UNC79: variants seen among roughly 807,000 people sequenced by gnomAD.
The protein encoded by UNC79 is unc-79 subunit of NALCN channel complex, also known as protein unc-79 homolog.
A neutral mutation model predicts 283.1 loss-of-function variants in UNC79; 37 were observed. The ratio of observed to expected loss-of-function variants is 0.13; its 90% CI spans 0.10 to 0.17. The LOEUF (loss-of-function observed/expected upper bound fraction) is 0.17. Ranked by LOEUF, UNC79 falls within the 10% of genes least tolerant of loss-of-function variation. The probability of loss-of-function intolerance (pLI) is 1.00; values close to 1 mark genes in which losing one functional copy is unlikely to be tolerated. For synonymous variants in UNC79, 1,107 were observed against 1,200.2 expected (o/e 0.92, Z 1.61); for missense variants, 2,272 against 3,211.1 (o/e 0.71, Z 7.07).
chr14:93,481,215 A>G lies in UNC79; in HGVS notation c.619+3487A>G, dbSNP rs148092416. ...ATAGCTTTTCTTTTTAACTCCTTCC[A>G]TAAATAAAATATATTTCTCTTTATT... On this transcript the variant is annotated intron_variant, in intron 4 of 48. Coordinates refer to ENST00000555664, the Ensembl canonical transcript of UNC79. Among the ~76,000 whole-genome samples, 61 of 152,300 alleles carry G rather than the reference A, an allele frequency of 4.0e-4. 2 individuals carry two copies. The East Asian group carries it at 0.01, about 25-fold the overall frequency.
At chr14:93,521,268 G>T (rs972730500) in intron 7 of UNC79, among the ~76,000 whole-genome samples, 1 of 151,970 alleles carries the variant, frequency 6.6e-6, no homozygotes, top group Non-Finnish European at 1.5e-5. Context: ...TCTAGGAATT[G>T]CTTAGCTCAC....
intron 35 of UNC79, among the ~76,000 whole-genome samples, chr14:93,653,347 T>A (rs1403008915): frequency 1.4e-5 from 2 of 143,970 alleles, no homozygotes; most frequent in African/African-American, 4.9e-5. Flanking sequence ...ATATGAATTT[T>A]TTTTTCCTCA....
At chr14:93,518,932 T>G (rs1271986595) in intron 7 of UNC79, among the ~76,000 whole-genome samples, 3 of 152,112 alleles carry the variant, frequency 2.0e-5, no homozygotes, top group Admixed American at 6.5e-5. Context: ...TTTTTGAGAC[T>G]TATTTTATGG....
chr14:93,459,820 A>G (rs1183292581), intron 1 of UNC79, among the ~76,000 whole-genome samples: 1 of 73,720 alleles, frequency 1.4e-5, no homozygotes, highest in African/African-American at 5.7e-5. Flanking sequence ...ACAGGCGCCC[A>G]CCACCACGCC....
intron 14 of UNC79, 151 bp from the exon 15 acceptor site, chr14:93,571,743 G>A: frequency 4.4e-6 from 3 of 680,444 alleles, no homozygotes; most frequent in East Asian, 2.8e-5. Context: ...GCCGTCTTAC[G>A]AATCAATCTC....
At chr14:93,525,477 C>CCA (rs1216435541) in intron 8 of UNC79, among the ~76,000 whole-genome samples, 1 of 151,974 alleles carries the variant, frequency 6.6e-6, no homozygotes, top group African/African-American at 2.4e-5. Flanking sequence ...TAATGATGAC[C>CCA]CACACAATGG....
chr14:93,706,721 C>T, exon 49 of UNC79: 3 of 1,614,238 alleles, frequency 1.9e-6, no homozygotes, highest in Non-Finnish European at 2.5e-6. Context: ...CTGCGGGACT[C>T]CAGCTTCGCC....
intron 1 of UNC79, among the ~76,000 whole-genome samples, chr14:93,454,455 T>C (rs1174596935): frequency 1.8e-5 from 2 of 112,350 alleles, no homozygotes; most frequent in Non-Finnish European, 4.1e-5. Flanking sequence ...ACATAATTAG[T>C]GTGCTAAAAT....
intron 26 of UNC79, among the ~76,000 whole-genome samples, chr14:93,606,878 A>C (rs551235669): frequency 9.8e-5 from 15 of 152,346 alleles, no homozygotes; most frequent in African/African-American, 3.4e-4. Context: ...AATTCATAGA[A>C]TCTTATAGCT....
rs149684661 is a variant in UNC79 at position 93,560,657 on chromosome 14, A to G, written c.1756-11237A>G. ...GGGAGCTCTTCGGTCCCATTCGCAAATTGAATTTTGGGAGTAAGGAAAACT... is the reference window on the plus strand; with the variant it reads ...GGGAGCTCTTCGGTCCCATTCGCAAGTTGAATTTTGGGAGTAAGGAAAACT... On this transcript the variant is annotated intron_variant, in intron 14 of 48. Transcript: ENST00000555664. 1.9e-3 allele frequency among the ~76,000 whole-genome samples: 289 copies of G among 152,208 alleles called. 1 individual carries two copies. The highest frequency in any genetic ancestry group is 6.4e-3 in the African/African-American group (267 of 41,520).
chr14:93,646,260 T>C (rs2069590961), intron 34 of UNC79, among the ~76,000 whole-genome samples: 2 of 152,228 alleles, frequency 1.3e-5, no homozygotes, highest in Admixed American at 1.3e-4. Flanking sequence ...AGAGGTTATA[T>C]ACAAAGAAAT....
chr14:93,670,008 G>T (rs1275369751), intron 40 of UNC79, among the ~76,000 whole-genome samples: 1 of 152,162 alleles, frequency 6.6e-6, no homozygotes, highest in African/African-American at 2.4e-5. Flanking sequence ...CTACTTATTT[G>T]ATTATGAAAG....
At chr14:93,561,609 G>C (rs1485362889) in intron 14 of UNC79, among the ~76,000 whole-genome samples, 1 of 152,126 alleles carries the variant, frequency 6.6e-6, no homozygotes, top group Non-Finnish European at 1.5e-5. Context: ...TTGATAGTGT[G>C]GTGGAGATAG....
chr14:93,611,924 C>T (rs944224347), intron 26 of UNC79, among the ~76,000 whole-genome samples: 19 of 151,974 alleles, frequency 1.3e-4, no homozygotes, highest in African/African-American at 4.1e-4. Flanking sequence ...TTCCTTCTCC[C>T]AAAGTCCTGA....
chr14:93,446,121 T>A (rs897169097), intron 1 of UNC79, among the ~76,000 whole-genome samples: 1 of 152,148 alleles, frequency 6.6e-6, no homozygotes, highest in African/African-American at 2.4e-5. Flanking sequence ...TATTGATTTT[T>A]GTACATAATT....
intron 11 of UNC79, among the ~76,000 whole-genome samples, chr14:93,536,782 C>CCCCTT (rs1567069571): frequency 2.4e-5 from 2 of 82,434 alleles, no homozygotes; most frequent in Non-Finnish European, 4.7e-5. Context: ...CCACCCCCGG[C>CCCCTT]TTTTTTTTTT....
intron 27 of UNC79, among the ~76,000 whole-genome samples, chr14:93,616,567 G>A (rs1362291564): frequency 1.3e-5 from 2 of 151,838 alleles, no homozygotes; most frequent in South Asian, 2.1e-4. Context: ...ACAGGGTTTC[G>A]CCGTGTTGCC....
intron 14 of UNC79, among the ~76,000 whole-genome samples, chr14:93,562,457 T>C (rs2062620874): frequency 6.6e-6 from 1 of 152,180 alleles, no homozygotes; most frequent in Non-Finnish European, 1.5e-5. Flanking sequence ...AAATGGGCTG[T>C]ACCCTGTAGC....
rs1479465418 is a variant in UNC79, at chr14:93,646,651, G to A, written c.6083+5G>A. On this transcript the variant is annotated splice_donor_5th_base_variant and intron_variant, in intron 35 of 48. Coordinates refer to ENST00000555664, the Ensembl canonical transcript of UNC79. The stretch of plus-strand genomic sequence containing the variant: ...CTTTTCTAATCAAGCAGAAAGGTAA[G>A]GTCCTAACGGGAGCCCAGATCTCAC... The A allele has an allele frequency of 6.2e-7, 1 of 1,613,722 alleles. No individual in the cohort carries two copies. The highest frequency in any genetic ancestry group is 8.5e-7 in the Non-Finnish European group (1 of 1,179,750).
Sources: gnomAD v4.1 joint callset for allele counts (sites outside exome capture counted in the v4.1 genomes callset) on GRCh38, gnomAD v4.1.1 for gene constraint, MANE v1.5 for transcripts, NCBI Gene and HGNC (gene_info 2026-07-23, HGNC 2026-07-21) for gene names.